Variants in ZNF518A observed in about 807,000 individuals in gnomAD.
ZNF518A encodes zinc finger protein 518.
ZNF518A carries 47 observed loss-of-function variants against 102.7 expected under a neutral mutation model. The observed-to-expected ratio is 0.46, with a 90% CI of 0.36 to 0.58. ZNF518A has a LOEUF of 0.58. Among genes scored for constraint, ZNF518A ranks in the 20% least tolerant of loss-of-function variants. The pLI, the probability that ZNF518A is intolerant of heterozygous loss-of-function variation, is 0.00. For missense variants in ZNF518A, 1,793 were observed against 1,699.8 expected, an observed-to-expected ratio of 1.05 and a Z score of -0.96; for synonymous variants, 652 against 594.6, an observed-to-expected ratio of 1.10 and a Z score of -1.40.
chr10:96,154,463 C>G (rs1161138395), intron 3 of ZNF518A, among the ~76,000 whole-genome samples: 1 of 145,046 alleles, frequency 6.9e-6, no homozygotes, highest in Non-Finnish European at 1.5e-5. Context: ...GCCTTCTTTT[C>G]TTTTTTTTCT....
Position 96,176,245 on chromosome 10 carries a change from A to C in ZNF518A, n.35+20198A>C, listed in dbSNP as rs192100248. Reference sequence around the variant, plus strand: ...ACTCAGCCTATAAATTTTTTCTTGAAGGGAGATCCAAGCTGTACACTTCCA... The same window carrying C: ...ACTCAGCCTATAAATTTTTTCTTGACGGGAGATCCAAGCTGTACACTTCCA... On this transcript the variant is annotated intron_variant and non_coding_transcript_variant, in intron 1 of 2. Coordinates refer to the ZNF518A transcript ENST00000442635. 2.2e-3 allele frequency among the ~76,000 whole-genome samples: 339 copies of C among 152,214 alleles called. 5 individuals are homozygous for C. Among genetic ancestry groups the C allele is most frequent in the Non-Finnish European group, 5.1e-4 (35 of 67,986 alleles).
chr10:96,145,256 G>A (rs1348678718), intron 3 of ZNF518A, among the ~76,000 whole-genome samples: 1 of 152,182 alleles, frequency 6.6e-6, no homozygotes, highest in Non-Finnish European at 1.5e-5. Flanking sequence ...TTTTAGTAGA[G>A]ATGGGGTTTC....
chr10:96,137,480 A>G (rs968113223), intron 3 of ZNF518A, among the ~76,000 whole-genome samples: 1 of 152,180 alleles, frequency 6.6e-6, no homozygotes. Context: ...ACTCCACTGA[A>G]ACTGTTCTAA....
chr10:96,202,908 A>C (rs2083683393), intron 1 of ZNF518A, among the ~76,000 whole-genome samples: 1 of 152,192 alleles, frequency 6.6e-6, no homozygotes, highest in Non-Finnish European at 1.5e-5. Context: ...TGCCCATTTT[A>C]TAGAACAGGC....
In ZNF518A at chr10:96,190,083, C is replaced by T. The variant is rs1488399970; in HGVS notation, n.36-13491C>T. The T allele has an allele frequency of 8.4e-5, 73 of 872,302 alleles. 1 individual carries two copies. The highest frequency in any genetic ancestry group is 2.4e-5 in the East Asian group (1 of 41,570). The allele number at this position is 872,302 out of a possible 1,614,324, so 54.0% of individuals were successfully genotyped here. ...CCTTTGCACCAGCCCCTAAACTGAC[C>T]GTTCTTAAGGATAACTGGTGCTCAT... On this transcript the variant is annotated intron_variant and non_coding_transcript_variant, in intron 1 of 2. Transcript: ENST00000442635.
chr10:96,185,183 A>G (rs1018494325), intron 1 of ZNF518A, among the ~76,000 whole-genome samples: 3 of 151,888 alleles, frequency 2.0e-5, no homozygotes, highest in Non-Finnish European at 4.4e-5. Context: ...TACACTGTTT[A>G]TTCTAGTTAG....
intron 3 of ZNF518A, among the ~76,000 whole-genome samples, chr10:96,141,286 C>T (rs920956077): frequency 3.3e-5 from 5 of 151,916 alleles, no homozygotes; most frequent in African/African-American, 1.2e-4. Flanking sequence ...TGAGCACTGG[C>T]TATTCTTTAA....
At chr10:96,186,350 A>G (rs587720902) in intron 1 of ZNF518A, among the ~76,000 whole-genome samples, 4 of 152,324 alleles carry the variant, frequency 2.6e-5, no homozygotes, top group Admixed American at 6.5e-5. Context: ...CCATCTTGGA[A>G]TGAACCAGCT....
chr10:96,200,915 C>G lies in ZNF518A; in HGVS notation n.36-2659C>G, dbSNP rs587627363. ...AGGTTCACTCCAAATGTCTTCTTCT[C>G]AGAAGACATGCTCTTTCCTGCAGTT... is the stretch of plus-strand genomic sequence containing the variant. On this transcript the variant is annotated intron_variant and non_coding_transcript_variant, in intron 1 of 2. Transcript: ENST00000442635. This position sits in a 1 kb window ranked among gnomAD's most constrained non-coding sequence, Gnocchi z 4.3. 9.0e-5 allele frequency: 124 copies of G among 1,375,994 alleles called. No individual in the cohort carries two copies. In the South Asian group the frequency reaches 1.4e-3, roughly 15 times the overall value. The allele number at this position is 1,375,994 out of a possible 1,614,324, so 85.2% of individuals were successfully genotyped here.
In ZNF518A at chr10:96,156,871, CAAT is replaced by C. The variant is rs781881890; in HGVS notation, c.550_552del (p.Asn184del). 1.9e-6 allele frequency: 3 copies of C among 1,613,776 alleles called. No individual in the cohort carries two copies. Among genetic ancestry groups the C allele is most frequent in the Non-Finnish European group, 2.5e-6 (3 of 1,179,772 alleles). On this transcript the variant is annotated inframe_deletion, in exon 6 of 6. Coordinates refer to ENST00000316045, the MANE Select transcript of ZNF518A (RefSeq NM_001330736.2). ...CTTTAGTAAAATGTGACATTTGTAACAATGAGAGTGTATATACTTTACTGAACT... is the reference window on the plus strand; with the variant it reads ...CTTTAGTAAAATGTGACATTTGTAACGAGAGTGTATATACTTTACTGAACT...
At position 96,200,020 on chromosome 10, in the gene ZNF518A, A is replaced by T; in HGVS notation, n.36-3554A>T. On this transcript the variant is annotated intron_variant and non_coding_transcript_variant, in intron 1 of 2. Transcript: ENST00000442635. The surrounding 1 kb of genome is among the most constrained non-coding windows in gnomAD (Gnocchi z 4.3). ...TCCAGTGAAACTGCATCATCTCAAA[A>T]CAAATAAATAAAATAAAATAAAATA... The T allele has an allele frequency of 8.0e-7, 1 of 1,251,172 alleles. No individual in the cohort carries two copies. The highest frequency in any genetic ancestry group is 1.0e-6 in the Non-Finnish European group (1 of 965,294). 77.5% of individuals were successfully genotyped at this position (1,251,172 alleles called of 1,614,324 possible).
chr10:96,192,323 TA>T (rs1336996493), intron 1 of ZNF518A, among the ~76,000 whole-genome samples: 3 of 132,194 alleles, frequency 2.3e-5, no homozygotes, highest in African/African-American at 1.1e-4. Context: ...TTAGCATAGC[TA>T]CTTAGAGAGA....
intron 3 of ZNF518A, among the ~76,000 whole-genome samples, chr10:96,153,782 T>G (rs1312153808): frequency 6.6e-6 from 1 of 152,172 alleles, no homozygotes; most frequent in Non-Finnish European, 1.5e-5. Context: ...AGAAGAGGTG[T>G]CAAATGTGAA....
At chr10:96,192,305 A>G (rs952848947) in intron 1 of ZNF518A, among the ~76,000 whole-genome samples, 2 of 151,326 alleles carry the variant, frequency 1.3e-5, no homozygotes, top group Non-Finnish European at 2.9e-5. Flanking sequence ...ACACACTGAC[A>G]GCCTCAATTA....
chr10:96,147,398 G>C (rs1554878888), intron 3 of ZNF518A, among the ~76,000 whole-genome samples: 1 of 152,158 alleles, frequency 6.6e-6, no homozygotes, highest in South Asian at 2.1e-4. Flanking sequence ...TCATCTTGGG[G>C]ATATTATTTA....
At chr10:96,189,866 A>G in intron 1 of ZNF518A, 1 of 1,203,552 alleles carries the variant, frequency 8.3e-7, no homozygotes, top group East Asian at 2.3e-5. Context: ...ATCTTCCTCC[A>G]CAGCTACTAA....
Position 96,159,586 on chromosome 10 carries a change from T to A in ZNF518A, c.3264T>A (p.Ile1088=). Residue 1088 remains isoleucine (I), a synonymous_variant, in exon 6 of 6, where the codon ATT becomes ATA. Transcript: ENST00000316045. ...ATTCAGTAAAACAGCAGAATGAGAT[T>A]TTTCCAAAACCACCTCTTTATACCT... ...ISDSVKQQNE[I]FPKPPLYTFL... 1 of 1,613,878 alleles carries A rather than the reference T, an allele frequency of 6.2e-7. No homozygotes were observed. Among genetic ancestry groups the A allele is most frequent in the Non-Finnish European group, 8.5e-7 (1 of 1,179,798 alleles).
At chr10:96,147,843 C>T (rs1554879043) in intron 3 of ZNF518A, among the ~76,000 whole-genome samples, 2 of 152,176 alleles carry the variant, frequency 1.3e-5, no homozygotes, top group African/African-American at 4.8e-5. Context: ...TCCTACAGCT[C>T]AGTACTTTAA....
chr10:96,176,107 T>A (rs1316122456), intron 1 of ZNF518A, among the ~76,000 whole-genome samples: 3 of 152,136 alleles, frequency 2.0e-5, no homozygotes, highest in Non-Finnish European at 4.4e-5. Flanking sequence ...TATTATTTTT[T>A]AAGTTTTTGT....
Sources: gnomAD v4.1 joint callset for allele counts (sites outside exome capture counted in the v4.1 genomes callset) on GRCh38, gnomAD v4.1.1 for gene constraint, Gnocchi (gnomAD v3.1) non-coding constraint, MANE v1.5 for transcripts, NCBI Gene and HGNC (gene_info 2026-07-23, HGNC 2026-07-21) for gene names.